The following PPTC7 variants were observed in gnomAD, a reference collection of about 807,000 sequenced individuals.
The protein encoded by PPTC7 is protein phosphatase PTC7 homolog.
A neutral mutation model predicts 30.8 loss-of-function variants in PPTC7; 6 were observed. That is an observed-to-expected ratio of 0.19 (90% confidence interval 0.11 to 0.38). PPTC7 has a LOEUF of 0.38. Ranked by LOEUF, PPTC7 falls within the 10% of genes least tolerant of loss-of-function variation. The pLI, the probability that PPTC7 is intolerant of heterozygous loss-of-function variation, is 1.00. For synonymous variants in PPTC7, 163 were observed against 168.1 expected, an observed-to-expected ratio of 0.97 and a Z score of 0.23; for missense variants, 218 against 404.8, an observed-to-expected ratio of 0.54 and a Z score of 3.96.
chr12:110,565,526 A>G (rs1184591786), intron 1 of PPTC7, among the ~76,000 whole-genome samples: 1 of 152,206 alleles, frequency 6.6e-6, no homozygotes, highest in Non-Finnish European at 1.5e-5. Flanking sequence ...AAGTGCTGGG[A>G]TTACAGGCGT....
At chr12:110,551,072 A>T (rs1471492752) in intron 2 of PPTC7, among the ~76,000 whole-genome samples, 4 of 152,082 alleles carry the variant, frequency 2.6e-5, no homozygotes, top group Non-Finnish European at 5.9e-5. Flanking sequence ...ATGCAGCTTT[A>T]AGTCGTTTCT....
At chr12:110,574,259 G>C (rs559353372) in intron 1 of PPTC7, among the ~76,000 whole-genome samples, 23 of 149,742 alleles carry the variant, frequency 1.5e-4, no homozygotes, top group African/African-American at 5.4e-4. Flanking sequence ...TGATGTGTCA[G>C]TTTTATAGAT....
intron 3 of PPTC7, among the ~76,000 whole-genome samples, chr12:110,543,132 A>T (rs759906953): frequency 1.4e-4 from 21 of 152,244 alleles, no homozygotes; most frequent in Non-Finnish European, 2.4e-4. Flanking sequence ...ACACTTGTGT[A>T]AGCAACATGT....
At chr12:110,570,642 G>A (rs2064526751) in intron 1 of PPTC7, among the ~76,000 whole-genome samples, 1 of 94,594 alleles carries the variant, frequency 1.1e-5, no homozygotes, top group Non-Finnish European at 2.1e-5. Context: ...GGACCTGCGG[G>A]CAGCAATACT....
chr12:110,564,453 T>C (rs1019969891), intron 1 of PPTC7, among the ~76,000 whole-genome samples: 1 of 152,084 alleles, frequency 6.6e-6, no homozygotes, highest in African/African-American at 2.4e-5. Context: ...GGGGAGAAGA[T>C]TTTCCTTCTG....
At chr12:110,545,811 A>T in intron 3 of PPTC7, 69 bp downstream of exon 3, 2 of 1,409,290 alleles carry the variant, frequency 1.4e-6, no homozygotes, top group African/African-American at 1.4e-5. Flanking sequence ...ACTGCACTCA[A>T]GGGGGACAGG....
chr12:110,539,500 T>C (rs2135758723), intron 4 of PPTC7, among the ~76,000 whole-genome samples: 1 of 152,302 alleles, frequency 6.6e-6, no homozygotes, highest in Admixed American at 6.5e-5. Flanking sequence ...TGTCTTTGCC[T>C]GATTCAACAC....
chr12:110,582,534 G>A (rs987557975), intron 1 of PPTC7, among the ~76,000 whole-genome samples: 28 of 152,210 alleles, frequency 1.8e-4, no homozygotes, highest in African/African-American at 6.5e-4. Flanking sequence ...GTGTGGCTCT[G>A]GACTCGGACA....
rs750429128 is a variant in PPTC7, at chr12:110,534,727, A to G, written c.*2310T>C. 1.4e-5 allele frequency: 2 copies of G among 146,882 alleles called. No individual in the cohort carries two copies. Among genetic ancestry groups the G allele is most frequent in the African/African-American group, 2.7e-5 (1 of 36,428 alleles). The allele number at this position is 146,882 out of a possible 1,614,324, so 9.1% of individuals were successfully genotyped here. On this transcript the variant is annotated 3_prime_UTR_variant, in exon 6 of 6. Coordinates refer to ENST00000354300, the MANE Select transcript of PPTC7 (RefSeq NM_139283.2). ...GTGAAACTCAATTCTTGCCCCCACT[A>G]CTTTCAGTATCACTGGAACAAACAC...
intron 2 of PPTC7, 78 bp from the exon 3 acceptor site, chr12:110,546,156 A>C: frequency 9.0e-7 from 1 of 1,112,106 alleles, no homozygotes; most frequent in South Asian, 1.3e-5. Context: ...ATGACCCCAC[A>C]GAGCAACACA....
chr12:110,534,760 A>G lies in PPTC7; in HGVS notation c.*2277T>C, dbSNP rs1481041547. On this transcript the variant is annotated 3_prime_UTR_variant, in exon 6 of 6. Coordinates refer to ENST00000354300, the MANE Select transcript of PPTC7 (RefSeq NM_139283.2). ...TATCACTGGAACAAACACATCGTCAATTTCTAACAATCGTTTCTCAAAAAG... is the reference window on the plus strand; with the variant it reads ...TATCACTGGAACAAACACATCGTCAGTTTCTAACAATCGTTTCTCAAAAAG... 1 of 152,252 alleles carries G rather than the reference A, an allele frequency of 6.6e-6. No individual in the cohort carries two copies. The allele number at this position is 152,252 out of a possible 1,614,324, so 9.4% of individuals were successfully genotyped here.
At chr12:110,539,791 T>C in intron 4 of PPTC7, 31 bp downstream of exon 4, 4 of 1,608,526 alleles carry the variant, frequency 2.5e-6, no homozygotes, top group South Asian at 1.1e-5. Flanking sequence ...GAGGGCCACT[T>C]TTCCCAAGAG....
In PPTC7 at chr12:110,534,325, GATAA is replaced by G. The variant is rs1363364029; in HGVS notation, c.*2708_*2711del. On this transcript the variant is annotated 3_prime_UTR_variant, in exon 6 of 6. Coordinates refer to ENST00000354300, the MANE Select transcript of PPTC7 (RefSeq NM_139283.2). ...CTGGTCTTTGGTGCATCCAGAGAGGGATAAATAATTTGCCATTTGTAAATTAGAA... is the reference window on the plus strand; with the variant it reads ...CTGGTCTTTGGTGCATCCAGAGAGGGATAATTTGCCATTTGTAAATTAGAA... The G allele has an allele frequency of 4.6e-5, 7 of 152,172 alleles. No individual in the cohort carries two copies. The highest frequency in any genetic ancestry group is 1.9e-4 in the East Asian group (1 of 5,188). 9.4% of individuals were successfully genotyped at this position (152,172 alleles called of 1,614,324 possible).
intron 2 of PPTC7, among the ~76,000 whole-genome samples, chr12:110,549,342 T>C (rs944542820): frequency 9.2e-5 from 14 of 152,150 alleles, no homozygotes; most frequent in African/African-American, 3.4e-4. Context: ...TATATTGGAA[T>C]TGCTTTGTAG....
chr12:110,574,776 G>GATTATT (rs921962930), intron 1 of PPTC7, among the ~76,000 whole-genome samples: 3 of 151,598 alleles, frequency 2.0e-5, no homozygotes, highest in African/African-American at 7.3e-5. Flanking sequence ...CTCCCTATCA[G>GATTATT]ATTATTATTA....
chr12:110,544,023 G>A (rs2135764376), intron 3 of PPTC7, among the ~76,000 whole-genome samples: 1 of 152,290 alleles, frequency 6.6e-6, no homozygotes, highest in South Asian at 2.1e-4. Flanking sequence ...GGAGGCCTTG[G>A]GGTTCAGAGT....
At chr12:110,550,491 A>C (rs1019684160) in intron 2 of PPTC7, among the ~76,000 whole-genome samples, 2 of 151,584 alleles carry the variant, frequency 1.3e-5, no homozygotes, top group Non-Finnish European at 2.9e-5. Context: ...CGGCCTCCCA[A>C]AGTGTTGGGA....
At chr12:110,571,152 G>A (rs1284532616) in intron 1 of PPTC7, among the ~76,000 whole-genome samples, 1 of 151,826 alleles carries the variant, frequency 6.6e-6, no homozygotes, top group Non-Finnish European at 1.5e-5. Flanking sequence ...GTGATAATGG[G>A]GCAAACTAAA....
At chr12:110,552,166 C>T (rs2135772811) in intron 1 of PPTC7, among the ~76,000 whole-genome samples, 198 bp from the exon 2 acceptor site, 1 of 152,304 alleles carries the variant, frequency 6.6e-6, no homozygotes, top group South Asian at 2.1e-4. Context: ...TAGAATTTGG[C>T]CTTTCATATA....
Sources: allele counts gnomAD v4.1 joint callset (sites outside exome capture counted in the v4.1 genomes callset), GRCh38; gene constraint gnomAD v4.1.1; transcripts MANE v1.5; gene names NCBI Gene and HGNC (gene_info 2026-07-23, HGNC 2026-07-21).